ITCH: variants seen among roughly 807,000 people sequenced by gnomAD.
The protein encoded by ITCH is E3 ubiquitin-protein ligase Itchy homolog.
A neutral mutation model predicts 126.8 loss-of-function variants in ITCH; 28 were observed. The ratio of observed to expected loss-of-function variants is 0.22; its 90% CI spans 0.16 to 0.30. The LOEUF is 0.30. Among genes scored for constraint, ITCH ranks in the 10% least tolerant of loss-of-function variants. The pLI is 1.00. For synonymous variants in ITCH, 342 were observed against 340.0 expected, an observed-to-expected ratio of 1.01 and a Z score of -0.06; for missense variants, 631 against 1,032.4, an observed-to-expected ratio of 0.61 and a Z score of 5.33.
At chr20:34,456,006 A>C (rs532196028) in intron 12 of ITCH, among the ~76,000 whole-genome samples, 1 of 151,508 alleles carries the variant, frequency 6.6e-6, no homozygotes, top group East Asian at 1.9e-4. Context: ...GGAACGAGAT[A>C]TGTTAAGTGT....
chr20:34,506,611 G>A (rs1383340910), intron 24 of ITCH, among the ~76,000 whole-genome samples: 1 of 152,130 alleles, frequency 6.6e-6, no homozygotes, highest in Non-Finnish European at 1.5e-5. Context: ...AACCTGAGGT[G>A]GAACAGTTTC....
intron 16 of ITCH, among the ~76,000 whole-genome samples, chr20:34,472,935 G>A (rs1486996025): frequency 6.6e-6 from 1 of 152,154 alleles, no homozygotes; most frequent in Non-Finnish European, 1.5e-5. Flanking sequence ...GTTTCTTGAA[G>A]CAACTTGCTT....
At chr20:34,438,248 T>C (rs1241331577) in intron 7 of ITCH, among the ~76,000 whole-genome samples, 1 of 152,200 alleles carries the variant, frequency 6.6e-6, no homozygotes, top group Non-Finnish European at 1.5e-5. Flanking sequence ...AGTGTTCCTA[T>C]GCCCTTGGAC....
At chr20:34,507,279 T>TG (rs1990686321) in intron 24 of ITCH, among the ~76,000 whole-genome samples, 1 of 89,672 alleles carries the variant, frequency 1.1e-5, no homozygotes, top group East Asian at 2.8e-4. Context: ...TTTTTTTTTT[T>TG]TTTTTTTTTT....
rs35848431 is a variant in ITCH at position 34,380,605 on chromosome 20, C to CTTTTTTTTTTTTTTTTT, written c.-22+11141_-22+11157dup. Among the ~76,000 whole-genome samples the CTTTTTTTTTTTTTTTTT allele has an allele frequency of 1.0e-4, 7 of 69,264 alleles. 1 individual carries two copies. Among genetic ancestry groups the CTTTTTTTTTTTTTTTTT allele is most frequent in the Admixed American group, 2.2e-4 (1 of 4,646 alleles). The allele number at this position is 69,264 out of a possible 152,430, so 45.4% of individuals were successfully genotyped here. A position where few individuals can be genotyped will look rare whatever the true frequency, so the allele number is the denominator to read the frequency against. ...TGTCTTTCCATTTTCTTAATGATGT[C>CTTTTTTTTTTTTTTTTT]TTTTTTTTTTTTTTTTTTTTTTGCA... On this transcript the variant is annotated intron_variant, in intron 2 of 24. Coordinates refer to ENST00000374864, the MANE Select transcript of ITCH (RefSeq NM_031483.7).
chr20:34,450,670 A>G (rs1985083834), intron 12 of ITCH, among the ~76,000 whole-genome samples: 1 of 152,248 alleles, frequency 6.6e-6, no homozygotes, highest in South Asian at 2.1e-4. Context: ...TTGTGGAACC[A>G]GAGTTTTGTC....
At chr20:34,472,414 A>G (rs1019869095) in intron 16 of ITCH, among the ~76,000 whole-genome samples, 2 of 151,306 alleles carry the variant, frequency 1.3e-5, no homozygotes, top group Non-Finnish European at 2.9e-5. Context: ...TTAGTCTACT[A>G]TTCGCCTTTA....
chr20:34,497,746 T>C (rs990464848), intron 23 of ITCH, among the ~76,000 whole-genome samples: 11 of 152,176 alleles, frequency 7.2e-5, no homozygotes, highest in African/African-American at 2.7e-4. Context: ...ACCCAGCCAC[T>C]TTCTGTATTT....
At chr20:34,398,308 C>T (rs2038748247) in intron 3 of ITCH, among the ~76,000 whole-genome samples, 1 of 152,058 alleles carries the variant, frequency 6.6e-6, no homozygotes, top group African/African-American at 2.4e-5. Flanking sequence ...GGTGATCCAC[C>T]CACCTCAGCC....
chr20:34,464,212 TCTCCTGACCTCGTGATC>T (rs959345669), intron 14 of ITCH, among the ~76,000 whole-genome samples: 2 of 151,034 alleles, frequency 1.3e-5, no homozygotes, highest in Non-Finnish European at 3.0e-5. Context: ...ATGGTCTTGA[TCTCCTGACCTCGTGATC>T]CACCCACCTC....
intron 11 of ITCH, 99 bp downstream of exon 11, chr20:34,445,560 A>T: frequency 8.8e-7 from 1 of 1,140,348 alleles, no homozygotes; most frequent in Non-Finnish European, 1.3e-6. Flanking sequence ...TGCAAGTAGC[A>T]TGGCAACCCA....
chr20:34,449,257 A>T (rs1217195239), intron 11 of ITCH, among the ~76,000 whole-genome samples, 154 bp from the exon 12 acceptor site: 2 of 152,298 alleles, frequency 1.3e-5, no homozygotes, highest in East Asian at 3.9e-4. Flanking sequence ...AAACCAAAGT[A>T]TATTGGCATT....
At chr20:34,492,819 C>T (rs1399147977) in intron 23 of ITCH, among the ~76,000 whole-genome samples, 1 of 152,212 alleles carries the variant, frequency 6.6e-6, no homozygotes, top group East Asian at 1.9e-4. Context: ...CTCATTAGGA[C>T]AGCAGTCTTC....
chr20:34,403,284 A>G (rs2038948442), intron 3 of ITCH, among the ~76,000 whole-genome samples: 1 of 152,136 alleles, frequency 6.6e-6, no homozygotes, highest in African/African-American at 2.4e-5. Flanking sequence ...TTTATGTTGT[A>G]TCAGAGAGAT....
chr20:34,386,095 G>GTTTTTTTTTTTTTTTTTTT, intron 2 of ITCH, among the ~76,000 whole-genome samples: 1 of 144,766 alleles, frequency 6.9e-6, no homozygotes, highest in African/African-American at 2.5e-5. Context: ...CGGCTCCTTT[G>GTTTTTTTTTTTTTTTTTTT]TTTTTTTTTT....
intron 23 of ITCH, among the ~76,000 whole-genome samples, chr20:34,494,381 T>C (rs1272442752): frequency 6.6e-6 from 1 of 152,222 alleles, no homozygotes; most frequent in Non-Finnish European, 1.5e-5. Context: ...GGGTGATTTC[T>C]AGGAAAGTTT....
chr20:34,395,997 A>T (rs576689189), intron 3 of ITCH, among the ~76,000 whole-genome samples: 1 of 150,378 alleles, frequency 6.6e-6, no homozygotes, highest in South Asian at 2.1e-4. Flanking sequence ...ATCCATGTTT[A>T]TTAGCATTTT....
intron 2 of ITCH, among the ~76,000 whole-genome samples, chr20:34,373,166 G>T (rs537166240): frequency 6.2e-4 from 95 of 152,094 alleles, no homozygotes; most frequent in Non-Finnish European, 1.1e-3. Context: ...TAGAGATAGG[G>T]TTTCACTGTG....
intron 6 of ITCH, among the ~76,000 whole-genome samples, chr20:34,422,902 C>A (rs6142167): frequency 6.6e-6 from 1 of 151,878 alleles, no homozygotes. Context: ...TCAAGTGATT[C>A]TCTTGCCTCA....
Sources: gnomAD v4.1 joint callset for allele counts (sites outside exome capture counted in the v4.1 genomes callset) on GRCh38, gnomAD v4.1.1 for gene constraint, MANE v1.5 for transcripts, NCBI Gene and HGNC (gene_info 2026-07-23, HGNC 2026-07-21) for gene names.